The following WDR19 variants were observed in gnomAD, a reference collection of about 807,000 sequenced individuals.
The protein encoded by WDR19 is WD repeat domain 19, also known as WD repeat-containing protein 19.
A neutral mutation model predicts 180.0 loss-of-function variants in WDR19; 121 were observed. The observed-to-expected ratio is 0.67, with a 90% CI of 0.58 to 0.78. The LOEUF is 0.78. Among genes scored for constraint, WDR19 ranks in the 30% least tolerant of loss-of-function variants. The pLI, the probability that WDR19 is intolerant of heterozygous loss-of-function variation, is 0.00. For synonymous variants in WDR19, 497 were observed against 540.7 expected (o/e 0.92, Z 1.12); for missense variants, 1,450 against 1,640.7 (o/e 0.88, Z 2.01).
chr4:39,205,660 C>T lies in WDR19; in HGVS notation c.814C>T (p.Arg272Cys), dbSNP rs199812132. 45 of 1,611,978 alleles carry T rather than the reference C, an allele frequency of 2.8e-5. No individual in the cohort carries two copies. Among genetic ancestry groups the T allele is most frequent in the Middle Eastern group, 3.3e-4 (2 of 6,080 alleles). Residue 272 changes from arginine (R) to cysteine (C), a missense_variant, in exon 9 of 37, where the codon CGT (arginine) becomes TGT (cysteine). Physicochemically the swap from Arg to Cys is radical, Grantham distance 180. Coordinates refer to ENST00000399820, the MANE Select transcript of WDR19 (RefSeq NM_025132.4). ...GELGQEIFQA[R>C]NHKDNLTSIA... ...GCTTGGTCAAGAGATATTTCAGGCT[C>T]GTAACCATAAAGATAATCTAACCAG...
At chr4:39,254,431 T>C (rs764685120) in intron 26 of WDR19, among the ~76,000 whole-genome samples, 1 of 152,216 alleles carries the variant, frequency 6.6e-6, no homozygotes, top group Non-Finnish European at 1.5e-5. Flanking sequence ...ATGCTTACTT[T>C]GGTGAACAGT....
intron 1 of WDR19, among the ~76,000 whole-genome samples, chr4:39,183,343 G>A (rs1404735246): frequency 2.3e-5 from 3 of 132,436 alleles, no homozygotes; most frequent in Non-Finnish European, 4.6e-5. Flanking sequence ...TCCACCTCCT[G>A]GGTTCAAGCG....
chr4:39,285,162 C>CTGT (rs1560577882), intron 36 of WDR19, among the ~76,000 whole-genome samples: 1 of 151,886 alleles, frequency 6.6e-6, no homozygotes, highest in Non-Finnish European at 1.5e-5. Context: ...ACAAATATAA[C>CTGT]TGTTTAATTT....
In WDR19 at chr4:39,224,834, T is replaced by C. The variant is rs769546665; in HGVS notation, c.1480-50T>C. 58 of 1,433,476 alleles carry C rather than the reference T, an allele frequency of 4.0e-5. 2 individuals carry two copies. In the South Asian group the frequency reaches 7.5e-4, roughly 19 times the overall value. The allele number at this position is 1,433,476 out of a possible 1,614,324, so 88.8% of individuals were successfully genotyped here. On this transcript the variant is annotated intron_variant, in intron 14 of 36. Coordinates refer to ENST00000399820, the MANE Select transcript of WDR19 (RefSeq NM_025132.4). ...AATTTAAATGTTGAAAGTTAGGATT[T>C]CCTTGACTACCTTTTATATTTTCAT...
chr4:39,214,763 A>G lies in WDR19; in HGVS notation c.961+92A>G, dbSNP rs1728888050. 1.3e-5 allele frequency: 10 copies of G among 743,698 alleles called. No individual in the cohort carries two copies. In the South Asian group the frequency reaches 1.9e-4, roughly 14 times the overall value. The allele number at this position is 743,698 out of a possible 1,614,324, so 46.1% of individuals were successfully genotyped here. On this transcript the variant is annotated intron_variant, in intron 10 of 36. Transcript: ENST00000399820. ...TTATCGTGTGATTTGCATTCGTTGT[A>G]GGAGGAATAATTTTTTTTTTTTTTT...
At chr4:39,283,886 T>G (rs892322955) in intron 36 of WDR19, among the ~76,000 whole-genome samples, 1 of 152,194 alleles carries the variant, frequency 6.6e-6, no homozygotes, top group African/African-American at 2.4e-5. Context: ...TTTGAGGATA[T>G]TTTCGCTTGA....
chr4:39,193,943 T>C (rs1228589324), intron 4 of WDR19, among the ~76,000 whole-genome samples: 2 of 152,352 alleles, frequency 1.3e-5, no homozygotes, highest in Middle Eastern at 3.4e-3. Flanking sequence ...TGATTTCTTT[T>C]CTCAATATAT....
intron 20 of WDR19, among the ~76,000 whole-genome samples, chr4:39,239,082 T>C (rs1289374840): frequency 1.3e-5 from 2 of 152,058 alleles, no homozygotes; most frequent in African/African-American, 4.8e-5. Context: ...GTTCAAGCAA[T>C]TCTCCTGCCC....
At chr4:39,259,075 GA>G (rs201064833) in intron 28 of WDR19, among the ~76,000 whole-genome samples, 1 of 151,466 alleles carries the variant, frequency 6.6e-6, no homozygotes, top group African/African-American at 2.4e-5. Flanking sequence ...TCTCAAAAAA[GA>G]AAAAAAACAG....
At chr4:39,193,786 A>G (rs192464756) in intron 4 of WDR19, among the ~76,000 whole-genome samples, 5 of 152,338 alleles carry the variant, frequency 3.3e-5, no homozygotes, top group Admixed American at 3.3e-4. Flanking sequence ...AGGGCTTATG[A>G]AAACACAGGT....
chr4:39,215,810 G>A, intron 10 of WDR19, 31 bp from the exon 11 acceptor site: 1 of 1,577,114 alleles, frequency 6.3e-7, no homozygotes, highest in Non-Finnish European at 8.6e-7. Flanking sequence ...TATTGTTTTT[G>A]AATAATCATT....
chr4:39,273,532 T>C (rs975585586), intron 32 of WDR19: 2 of 154,122 alleles, frequency 1.3e-5, no homozygotes, highest in Non-Finnish European at 2.9e-5. Flanking sequence ...TGTGCCCAGT[T>C]TTCCAGGCTC....
intron 21 of WDR19, among the ~76,000 whole-genome samples, chr4:39,243,984 A>G (rs540875504): frequency 6.6e-6 from 1 of 152,328 alleles, no homozygotes; most frequent in African/African-American, 2.4e-5. Context: ...TTTATACCAA[A>G]AAGACATATG....
intron 27 of WDR19, among the ~76,000 whole-genome samples, chr4:39,257,096 C>T (rs1367387735): frequency 1.3e-5 from 2 of 152,164 alleles, no homozygotes; most frequent in African/African-American, 4.8e-5. Context: ...CTGTACATAA[C>T]ACAGAAAATA....
At chr4:39,257,655 A>G in intron 28 of WDR19, 101 bp downstream of exon 28, 1 of 1,038,940 alleles carries the variant, frequency 9.6e-7, no homozygotes, top group Non-Finnish European at 1.4e-6. Context: ...ACAGTATTAC[A>G]AACCCCTACA....
At chr4:39,242,961 C>T (rs540705292) in intron 21 of WDR19, among the ~76,000 whole-genome samples, 31 of 152,192 alleles carry the variant, frequency 2.0e-4, no homozygotes, top group Non-Finnish European at 3.7e-4. Flanking sequence ...AGCCACCGCG[C>T]CCGGCCCATC....
In WDR19 at chr4:39,268,036, A is replaced by G. The variant is rs1734984378; in HGVS notation, c.3303A>G (p.Gln1101=). 1 of 1,605,954 alleles carries G rather than the reference A, an allele frequency of 6.2e-7. No individual in the cohort carries two copies. Among genetic ancestry groups the G allele is most frequent in the Non-Finnish European group, 8.5e-7 (1 of 1,176,164 alleles). Residue 1101 remains glutamine, a synonymous_variant, in exon 30 of 37, where the codon CAA becomes CAG. Transcript: ENST00000399820. ...YLFRLYMALK[Q]YREAAQTAII... is the part of the protein sequence containing the mutation. ...TCCGCTTGTACATGGCTCTGAAGCA[A>G]TACCGAGAAGCTGCCCAGACTGCCA...
chr4:39,191,551 A>G (rs1726147377), intron 4 of WDR19, among the ~76,000 whole-genome samples: 1 of 152,226 alleles, frequency 6.6e-6, no homozygotes, highest in African/African-American at 2.4e-5. Context: ...GTATGCATTT[A>G]TACTCTTTTA....
Position 39,278,685 on chromosome 4 carries a change from C to T in WDR19, c.*13+22C>T, listed in dbSNP as rs201462173. Reference sequence around the variant, plus strand: ...GCAGGTGAGTGGCAGAGCGCCCACGCACCTTCTGGGCGCAAGGGCCCACAG... The same window carrying T: ...GCAGGTGAGTGGCAGAGCGCCCACGTACCTTCTGGGCGCAAGGGCCCACAG... On this transcript the variant is annotated intron_variant, in intron 36 of 36. Coordinates refer to ENST00000399820, the MANE Select transcript of WDR19 (RefSeq NM_025132.4). The T allele has an allele frequency of 1.4e-3, 2,160 of 1,512,138 alleles. 23 individuals are homozygous for T. Among genetic ancestry groups the T allele is most frequent in the South Asian group, 0.014 (1,159 of 84,080 alleles). 93.7% of individuals were successfully genotyped at this position (1,512,138 alleles called of 1,614,324 possible). A position where few individuals can be genotyped will look rare whatever the true frequency, so the allele number is the denominator to read the frequency against.
Sources: gnomAD v4.1 joint callset for allele counts (sites outside exome capture counted in the v4.1 genomes callset) on GRCh38, gnomAD v4.1.1 for gene constraint, MANE v1.5 for transcripts, NCBI Gene and HGNC (gene_info 2026-07-23, HGNC 2026-07-21) for gene names.